LSM11: variants seen among roughly 807,000 people sequenced by gnomAD.
LSM11 encodes LSM11, U7 small nuclear RNA associated.
Under a neutral mutation model 28.1 loss-of-function variants are expected in LSM11, and 14 were observed. The ratio of observed to expected loss-of-function variants is 0.50; its 90% CI spans 0.33 to 0.78. The LOEUF is 0.78. Ranked by LOEUF, LSM11 falls within the 30% of genes least tolerant of loss-of-function variation. LSM11 has a pLI of 0.02. For synonymous variants in LSM11, 207 were observed against 214.2 expected (o/e 0.97, Z 0.30); for missense variants, 495 against 510.6 (o/e 0.97, Z 0.30).
At chr5:157,753,369 C>T (rs1761272731) in intron 2 of LSM11, among the ~76,000 whole-genome samples, 1 of 152,120 alleles carries the variant, frequency 6.6e-6, no homozygotes, top group South Asian at 2.1e-4. Context: ...GTGATTATAA[C>T]AGTACTGTCA....
chr5:157,747,761 G>A (rs778692570), intron 1 of LSM11: 3 of 152,516 alleles, frequency 2.0e-5, no homozygotes, highest in Admixed American at 2.0e-4. Flanking sequence ...TGAGCCCTGT[G>A]TACAGCAGTA....
chr5:157,751,909 A>T (rs996664017), intron 2 of LSM11, among the ~76,000 whole-genome samples: 3 of 152,192 alleles, frequency 2.0e-5, no homozygotes, highest in African/African-American at 7.2e-5. Context: ...CCAATCTGAA[A>T]AGTCCTTAGT....
intron 3 of LSM11, 75 bp downstream of exon 3, chr5:157,754,162 T>C: frequency 1.0e-6 from 1 of 993,414 alleles, no homozygotes. Flanking sequence ...CTGAGCCCAG[T>C]GACTAGGATT....
chr5:157,758,743 T>C lies in LSM11; in HGVS notation c.*3479T>C, dbSNP rs1466700337. The C allele has an allele frequency of 6.6e-6, 1 of 152,268 alleles. No individual in the cohort carries two copies. Among genetic ancestry groups the C allele is most frequent in the East Asian group, 1.9e-4 (1 of 5,204 alleles). 9.4% of individuals were successfully genotyped at this position (152,268 alleles called of 1,614,324 possible). A position where few individuals can be genotyped will look rare whatever the true frequency, so the allele number is the denominator to read the frequency against. ...TTTTTGAACATTCAACTTTGGTTCT[T>C]CAAAGTAATCTTTAAACATGGGAAT... On this transcript the variant is annotated 3_prime_UTR_variant, in exon 4 of 4. Transcript: ENST00000286307.
chr5:157,751,008 C>T (rs1438518607), intron 1 of LSM11, among the ~76,000 whole-genome samples: 1 of 152,156 alleles, frequency 6.6e-6, no homozygotes, highest in Non-Finnish European at 1.5e-5. Context: ...TCTCAAACTC[C>T]TGACCTCAGG....
chr5:157,755,617 CAAAAA>C lies in LSM11; in HGVS notation c.*354_*358del, dbSNP rs1348928148. 4 of 430,334 alleles carry C rather than the reference CAAAAA, an allele frequency of 9.3e-6. No homozygotes were observed. Among genetic ancestry groups the C allele is most frequent in the African/African-American group, 4.1e-5 (2 of 49,192 alleles). 26.7% of individuals were successfully genotyped at this position (430,334 alleles called of 1,614,324 possible). ...GATACTATAGGGGAAAGAAAAGTCTCAAAAAGAAGTATTGCATGTCTAAAAGCTAG... is the reference window on the plus strand; with the variant it reads ...GATACTATAGGGGAAAGAAAAGTCTCGAAGTATTGCATGTCTAAAAGCTAG... On this transcript the variant is annotated 3_prime_UTR_variant, in exon 4 of 4. Transcript: ENST00000286307.
chr5:157,743,748 A>G lies in LSM11; in HGVS notation c.-3A>G. On this transcript the variant is annotated 5_prime_UTR_variant, in exon 1 of 4. Transcript: ENST00000286307. ...TCGGCCTCGGCTTGCGGGCCTTTCA[A>G]ACATGGAGGAGCGGGAGCGGGGGGC... 1 of 1,369,600 alleles carries G rather than the reference A, an allele frequency of 7.3e-7. No homozygotes were observed. Among genetic ancestry groups the G allele is most frequent in the Non-Finnish European group, 9.4e-7 (1 of 1,062,048 alleles). 84.8% of individuals were successfully genotyped at this position (1,369,600 alleles called of 1,614,324 possible). A position where few individuals can be genotyped will look rare whatever the true frequency, so the allele number is the denominator to read the frequency against.
intron 1 of LSM11, among the ~76,000 whole-genome samples, chr5:157,745,535 C>T (rs112612637): frequency 5.9e-5 from 9 of 152,292 alleles, no homozygotes; most frequent in South Asian, 2.1e-4. Context: ...AGTTGAAATG[C>T]ACTCCAAGTC....
chr5:157,747,279 T>C (rs965401344), intron 1 of LSM11, among the ~76,000 whole-genome samples: 2 of 152,232 alleles, frequency 1.3e-5, no homozygotes, highest in Non-Finnish European at 2.9e-5. Context: ...TGAACTGGTG[T>C]GTTCAAGCTC....
intron 1 of LSM11, among the ~76,000 whole-genome samples, chr5:157,750,148 G>GGT (rs910330530): frequency 2.0e-5 from 3 of 152,194 alleles, no homozygotes; most frequent in African/African-American, 7.2e-5. Context: ...CTACTCAGTG[G>GGT]GTTGAGCTAG....
At chr5:157,746,999 A>G (rs924273674) in intron 1 of LSM11, among the ~76,000 whole-genome samples, 2 of 152,230 alleles carry the variant, frequency 1.3e-5, no homozygotes, top group Non-Finnish European at 2.9e-5. Flanking sequence ...GTTTTTCGTC[A>G]TCATTAAGCC....
At chr5:157,749,364 A>G (rs1178555643) in intron 1 of LSM11, among the ~76,000 whole-genome samples, 1 of 152,230 alleles carries the variant, frequency 6.6e-6, no homozygotes, top group African/African-American at 2.4e-5. Flanking sequence ...TAATGCAAGC[A>G]TGTGATCAGT....
Position 157,743,806 on chromosome 5 carries a change from C to A in LSM11, c.56C>A (p.Pro19Gln). 1 of 1,487,966 alleles carries A rather than the reference C, an allele frequency of 6.7e-7. No homozygotes were observed. 92.2% of individuals were successfully genotyped at this position (1,487,966 alleles called of 1,614,324 possible). Residue 19 changes from proline (P) to glutamine (Q), a missense_variant, in exon 1 of 4, where the codon CCG becomes CAG. Transcript: ENST00000286307. ...GCTGGCGCCGGGAGCCCCGCGCGCC[C>A]GCCCAGCCCGCGGCTGGATGTCAGC... ...RSAGAGSPAR[P>Q]PSPRLDVSSD...
At position 157,751,611 on chromosome 5, in the gene LSM11, A is replaced by G. The variant is rs904738690; in HGVS notation, c.588+82A>G. 5.9e-5 allele frequency: 87 copies of G among 1,469,990 alleles called. No homozygotes were observed. The South Asian group carries it at 8.2e-4, about 14-fold the overall frequency. The allele number at this position is 1,469,990 out of a possible 1,614,324, so 91.1% of individuals were successfully genotyped here. ...ATATTTAAAGGACCTGAGTAACTGCATTAAGTAAAACCCAAAAAATAACTT... is the reference window on the plus strand; with the variant it reads ...ATATTTAAAGGACCTGAGTAACTGCGTTAAGTAAAACCCAAAAAATAACTT... On this transcript the variant is annotated intron_variant, in intron 2 of 3. Transcript: ENST00000286307.
At chr5:157,748,027 GTT>G (rs1761172655) in intron 1 of LSM11, among the ~76,000 whole-genome samples, 1 of 142,604 alleles carries the variant, frequency 7.0e-6, no homozygotes. Context: ...GTGTGTGTGT[GTT>G]TAGGCCAGTT....
At chr5:157,750,637 T>C (rs960212556) in intron 1 of LSM11, among the ~76,000 whole-genome samples, 3 of 152,192 alleles carry the variant, frequency 2.0e-5, no homozygotes, top group African/African-American at 7.2e-5. Flanking sequence ...AAGGGCAGAG[T>C]GCAGTTTGTT....
rs1581453600 is a variant in LSM11 at position 157,755,495 on chromosome 5, T to G, written c.*231T>G. On this transcript the variant is annotated 3_prime_UTR_variant, in exon 4 of 4. Transcript: ENST00000286307. ...CAAAAAGCATTCATAGATACATGCA[T>G]CTGATTTGGTATTGTGATTTACTTC... 1.8e-6 allele frequency: 1 copy of G among 567,714 alleles called. No individual in the cohort carries two copies. Among genetic ancestry groups the G allele is most frequent in the East Asian group, 2.9e-5 (1 of 34,968 alleles). 35.2% of individuals were successfully genotyped at this position (567,714 alleles called of 1,614,324 possible).
chr5:157,746,833 C>T (rs1350015829), intron 1 of LSM11, among the ~76,000 whole-genome samples: 3 of 151,974 alleles, frequency 2.0e-5, no homozygotes, highest in Non-Finnish European at 2.9e-5. Flanking sequence ...TCGCTTGAAC[C>T]CTGTAAGTGG....
Position 157,759,157 on chromosome 5 carries a change from A to G in LSM11, c.*3893A>G, listed in dbSNP as rs937424219. ...AAGCCAAGAAACCGTTGGCATTAAA[A>G]TCTAGATGCATAGAGATCCTTGCTA... is the stretch of plus-strand genomic sequence containing the variant. On this transcript the variant is annotated 3_prime_UTR_variant, in exon 4 of 4. Coordinates refer to ENST00000286307, the MANE Select transcript of LSM11 (RefSeq NM_173491.4). 1.3e-5 allele frequency: 2 copies of G among 152,218 alleles called. No homozygotes were observed. Among genetic ancestry groups the G allele is most frequent in the Admixed American group, 1.3e-4 (2 of 15,274 alleles). 9.4% of individuals were successfully genotyped at this position (152,218 alleles called of 1,614,324 possible).
Sources: allele counts gnomAD v4.1 joint callset (sites outside exome capture counted in the v4.1 genomes callset), GRCh38; gene constraint gnomAD v4.1.1; transcripts MANE v1.5; gene names NCBI Gene and HGNC (gene_info 2026-07-23, HGNC 2026-07-21).